The following MOCOS variants were observed in gnomAD, a reference collection of about 807,000 sequenced individuals.
MOCOS encodes the protein human molybdenum cofactor sulfurase.
Under a neutral mutation model 83.6 loss-of-function variants are expected in MOCOS, and 86 were observed. The ratio of observed to expected loss-of-function variants is 1.03; its 90% confidence interval spans 0.86 to 1.23. The LOEUF is 1.23. MOCOS is among the 50% of genes most tolerant of loss of function. MOCOS has a pLI of 0.00. For missense variants in MOCOS, 1,120 were observed against 1,126.9 expected (o/e 0.99, Z 0.09); for synonymous variants, 445 against 434.7 (o/e 1.02, Z -0.29).
intron 14 of MOCOS, among the ~76,000 whole-genome samples, chr18:36,267,577 A>G (rs1217124841): frequency 6.6e-6 from 1 of 152,166 alleles, no homozygotes; most frequent in Non-Finnish European, 1.5e-5. Context: ...CAGTATAGAC[A>G]TTTGATTTAT....
intron 9 of MOCOS, among the ~76,000 whole-genome samples, chr18:36,245,929 T>C (rs748126849): frequency 1.3e-5 from 2 of 152,222 alleles, no homozygotes; most frequent in Non-Finnish European, 2.9e-5. Context: ...GAAACTTTCC[T>C]GTGTATTTTG....
rs143158108 is a variant in MOCOS at position 36,220,183 on chromosome 18, C to A, written c.1926C>A (p.Asp642Glu). Residue 642 changes from aspartate (D) to glutamate (E), a missense_variant, in exon 9 of 15, where the codon GAC becomes GAA. Asp to Glu is a conservative substitution (Grantham distance 45, BLOSUM62 2). Coordinates refer to ENST00000261326, the MANE Select transcript of MOCOS (RefSeq NM_017947.4). ...TCTGCCTGATCCAGCCCTTCATCGACTTGCGGCAAAGGATCATGGTCATCA... is the reference window on the plus strand; with the variant it reads ...TCTGCCTGATCCAGCCCTTCATCGAATTGCGGCAAAGGATCATGGTCATCA... The part of the protein sequence containing the change: ...PRLCLIQPFI[D>E]LRQRIMVIKA... 2 of 1,614,176 alleles carry A rather than the reference C, an allele frequency of 1.2e-6. No homozygotes were observed. The highest frequency in any genetic ancestry group is 1.7e-6 in the Non-Finnish European group (2 of 1,180,036).
chr18:36,271,912 C>A lies in MOCOS; in HGVS notation c.*3227C>A, dbSNP rs1202422184. The A allele has an allele frequency of 6.6e-6, 1 of 152,198 alleles. No homozygotes were observed. Among genetic ancestry groups the A allele is most frequent in the East Asian group, 1.9e-4 (1 of 5,176 alleles). The allele number at this position is 152,198 out of a possible 1,614,324, so 9.4% of individuals were successfully genotyped here. A position where few individuals can be genotyped will look rare whatever the true frequency, so the allele number is the denominator to read the frequency against. On this transcript the variant is annotated 3_prime_UTR_variant, in exon 15 of 15. Coordinates refer to ENST00000261326, the MANE Select transcript of MOCOS (RefSeq NM_017947.4). ...ATCCTTCTCTTTCAGTGAAAAGTTGCTTTTTTATTCAATATGTACTGAACA... is the reference window on the plus strand; with the variant it reads ...ATCCTTCTCTTTCAGTGAAAAGTTGATTTTTTATTCAATATGTACTGAACA...
At chr18:36,221,637 CTGTTCT>C (rs2091496355) in intron 9 of MOCOS, among the ~76,000 whole-genome samples, 1 of 136,026 alleles carries the variant, frequency 7.4e-6, no homozygotes, top group Admixed American at 7.2e-5. Flanking sequence ...CTGTTCTGTT[CTGTTCT>C]GTTCTGTTCC....
At chr18:36,220,006 A>T in intron 8 of MOCOS, 49 bp from the exon 9 acceptor site, 1 of 1,611,446 alleles carries the variant, frequency 6.2e-7, no homozygotes, top group South Asian at 1.1e-5. Context: ...ATAGGTGAAG[A>T]CCAACTTTGG....
intron 9 of MOCOS, among the ~76,000 whole-genome samples, chr18:36,224,622 C>T (rs989390723): frequency 6.6e-6 from 1 of 151,748 alleles, no homozygotes; most frequent in African/African-American, 2.4e-5. Context: ...CCTTACATCC[C>T]AGGAATAAAG....
At chr18:36,266,373 T>G (rs1847170489) in intron 13 of MOCOS, among the ~76,000 whole-genome samples, 1 of 152,130 alleles carries the variant, frequency 6.6e-6, no homozygotes, top group African/African-American at 2.4e-5. Context: ...TGGCCTCAAG[T>G]GAACAGTCCG....
In MOCOS at chr18:36,196,948, T is replaced by C. The variant is rs181604012; in HGVS notation, c.232+1602T>C. Among the ~76,000 whole-genome samples the C allele has an allele frequency of 8.0e-3, 1,212 of 152,252 alleles. 55 individuals are homozygous for C. The highest frequency in any genetic ancestry group is 0.068 in the Admixed American group (1,045 of 15,288). On this transcript the variant is annotated intron_variant, in intron 2 of 14. Coordinates refer to ENST00000261326, the MANE Select transcript of MOCOS (RefSeq NM_017947.4). ...TGCGTTAATGAGCACATGTAGCTCC[T>C]GAGAAATGCTGGTGCCTGGTCTTAT...
At chr18:36,223,835 T>G (rs910398341) in intron 9 of MOCOS, among the ~76,000 whole-genome samples, 1 of 152,196 alleles carries the variant, frequency 6.6e-6, no homozygotes, top group Non-Finnish European at 1.5e-5. Flanking sequence ...AAGTTTCTTT[T>G]GTTCTTTTAA....
rs184083926 is a variant in MOCOS at position 36,229,216 on chromosome 18, C to A, written c.1960+8999C>A. 5.3e-5 allele frequency among the ~76,000 whole-genome samples: 8 copies of A among 151,942 alleles called. No individual in the cohort carries two copies. The South Asian group carries it at 8.3e-4, about 16-fold the overall frequency. On this transcript the variant is annotated intron_variant, in intron 9 of 14. Coordinates refer to ENST00000261326, the MANE Select transcript of MOCOS (RefSeq NM_017947.4). ...TGTCCTATAGTTTCCACTTGAGGAA[C>A]TTTCTTTTGCATTTTTTATAAATCA...
chr18:36,254,654 TTTTA>T (rs1225657566), intron 11 of MOCOS, among the ~76,000 whole-genome samples: 1 of 151,910 alleles, frequency 6.6e-6, no homozygotes, highest in African/African-American at 2.4e-5. Context: ...GTGGTCAGTC[TTTTA>T]TTTCTTTCCT....
At position 36,187,661 on chromosome 18, in the gene MOCOS, G is replaced by T. The variant is rs1020823161; in HGVS notation, c.122G>T (p.Arg41Leu). The T allele has an allele frequency of 7.9e-7, 1 of 1,258,820 alleles. No individual in the cohort carries two copies. Among genetic ancestry groups the T allele is most frequent in the Non-Finnish European group, 1.0e-6 (1 of 1,002,042 alleles). The allele number at this position is 1,258,820 out of a possible 1,614,324, so 78.0% of individuals were successfully genotyped here. ...GGCAGCCTGCGCGAGCTGCGGGCGCGCGAGTTCAGCCGCCTGGCAGGTGAG... is the reference window on the plus strand; with the variant it reads ...GGCAGCCTGCGCGAGCTGCGGGCGCTCGAGTTCAGCCGCCTGGCAGGTGAG... Reference protein sequence around the residue: ...GPGSLRELRAREFSRLAGTVY... With the variant: ...GPGSLRELRALEFSRLAGTVY... The change falls in exon 1 of 15, where the codon CGC becomes CTC. Residue 41 changes from arginine to leucine, a missense_variant. By Grantham distance (102) the Arg-to-Leu change is moderately radical. Coordinates refer to ENST00000261326, the MANE Select transcript of MOCOS (RefSeq NM_017947.4).
At chr18:36,197,174 G>A (rs1033867047) in intron 2 of MOCOS, among the ~76,000 whole-genome samples, 5 of 152,154 alleles carry the variant, frequency 3.3e-5, no homozygotes, top group South Asian at 2.1e-4. Context: ...TGGAGGCCGG[G>A]ATCAATTATT....
intron 6 of MOCOS, among the ~76,000 whole-genome samples, chr18:36,207,307 G>A (rs2091438455): frequency 6.6e-6 from 1 of 152,206 alleles, no homozygotes; most frequent in Non-Finnish European, 1.5e-5. Context: ...AAAGTGCTGG[G>A]ATTACAGGCA....
Position 36,266,325 on chromosome 18 carries a change from A to G in MOCOS, c.2410-424A>G, listed in dbSNP as rs1407169268. On this transcript the variant is annotated intron_variant, in intron 13 of 14. Coordinates refer to ENST00000261326, the MANE Select transcript of MOCOS (RefSeq NM_017947.4). ...TAATTTTTGTATTTTTAGTAGAGAC[A>G]GGGTTTTGTCATGATGTCCAGGCTG... is the stretch of plus-strand genomic sequence containing the variant. Among the ~76,000 whole-genome samples the G allele has an allele frequency of 2.6e-5, 4 of 152,156 alleles. No homozygotes were observed. The East Asian group carries it at 7.7e-4, about 29-fold the overall frequency.
At chr18:36,226,726 G>GT (rs200675414) in intron 9 of MOCOS, among the ~76,000 whole-genome samples, 2,746 of 71,726 alleles carry the variant, frequency 0.038, 80 homozygotes, top group African/African-American at 0.11. Flanking sequence ...TTTTTTTTTT[G>GT]GTGTGTAGTT....
At chr18:36,257,389 GACTA>G (rs1314223950) in intron 12 of MOCOS, among the ~76,000 whole-genome samples, 59 of 152,232 alleles carry the variant, frequency 3.9e-4, no homozygotes, top group South Asian at 2.1e-4. Flanking sequence ...CCACCAACTT[GACTA>G]ACTTTTATTG....
chr18:36,261,453 G>A (rs2091663144), intron 13 of MOCOS, among the ~76,000 whole-genome samples: 1 of 152,158 alleles, frequency 6.6e-6, no homozygotes, highest in Admixed American at 6.5e-5. Flanking sequence ...AGTGTAATTA[G>A]CCACTGGTAT....
At chr18:36,221,669 C>T (rs997117968) in intron 9 of MOCOS, among the ~76,000 whole-genome samples, 1 of 150,844 alleles carries the variant, frequency 6.6e-6, no homozygotes, top group Non-Finnish European at 1.5e-5. Flanking sequence ...TTTATTTTTC[C>T]TTGAACCAAG....
Sources: gnomAD v4.1 joint callset for allele counts (sites outside exome capture counted in the v4.1 genomes callset) on GRCh38, gnomAD v4.1.1 for gene constraint, MANE v1.5 for transcripts, NCBI Gene and HGNC (gene_info 2026-07-23, HGNC 2026-07-21) for gene names.